Variants in PAK5 observed in about 807,000 individuals in gnomAD.
PAK5 encodes the protein p21 (RAC1) activated kinase 5.
A neutral mutation model predicts 65.9 loss-of-function variants in PAK5; 16 were observed. That is an observed-to-expected ratio of 0.24 (90% CI 0.16 to 0.37). The LOEUF is 0.37. Among genes scored for constraint, PAK5 ranks in the 10% least tolerant of loss-of-function variants. PAK5 has a pLI of 1.00. For missense variants in PAK5, 785 were observed against 903.9 expected, an observed-to-expected ratio of 0.87 and a Z score of 1.69; for synonymous variants, 371 against 354.9, an observed-to-expected ratio of 1.05 and a Z score of -0.51.
intron 1 of PAK5, among the ~76,000 whole-genome samples, chr20:9,747,937 C>T (rs2048528011): frequency 6.6e-6 from 1 of 152,054 alleles, no homozygotes; most frequent in South Asian, 2.1e-4. Flanking sequence ...CTAGAAAACC[C>T]CATCGTCTCA....
At chr20:9,802,908 G>GTATATATATATATATATATATA (rs2049185951) in intron 1 of PAK5, among the ~76,000 whole-genome samples, 1 of 1,936 alleles carries the variant, frequency 5.2e-4, no homozygotes, top group Non-Finnish European at 8.9e-4. Context: ...GTATATGTAT[G>GTATATATATATATATATATATA]TGTATATATA....
chr20:9,805,790 A>G (rs1213039922), intron 1 of PAK5, among the ~76,000 whole-genome samples: 1 of 152,194 alleles, frequency 6.6e-6, no homozygotes, highest in African/African-American at 2.4e-5. Context: ...GGGATTATAG[A>G]AAATGTTCTA....
chr20:9,683,069 G>A (rs551193201), intron 2 of PAK5, among the ~76,000 whole-genome samples: 2 of 152,300 alleles, frequency 1.3e-5, no homozygotes, highest in African/African-American at 2.4e-5. Context: ...TTTAGGGACC[G>A]AAGTGAATCT....
chr20:9,716,089 A>G (rs1484050405), intron 1 of PAK5, among the ~76,000 whole-genome samples: 2 of 67,670 alleles, frequency 3.0e-5, no homozygotes, highest in Non-Finnish European at 6.4e-5. Context: ...AAGAACATGC[A>G]GTAGCTGAAA....
intron 2 of PAK5, among the ~76,000 whole-genome samples, chr20:9,676,148 C>T (rs1471018226): frequency 6.6e-6 from 1 of 151,840 alleles, no homozygotes; most frequent in Non-Finnish European, 1.5e-5. Context: ...AGGAAAACTC[C>T]CCCTTACAAT....
chr20:9,703,184 C>T (rs2047961653), intron 2 of PAK5, among the ~76,000 whole-genome samples: 1 of 152,152 alleles, frequency 6.6e-6, no homozygotes. Context: ...TTTGAAGAAC[C>T]ACCCCAGAAA....
chr20:9,595,884 T>C (rs765489240), intron 3 of PAK5, among the ~76,000 whole-genome samples: 1 of 151,326 alleles, frequency 6.6e-6, no homozygotes, highest in African/African-American at 2.5e-5. Flanking sequence ...CTGTTTCAAA[T>C]GGACTCCCCA....
intron 3 of PAK5, among the ~76,000 whole-genome samples, chr20:9,615,033 T>G (rs750576773): frequency 2.6e-5 from 4 of 152,126 alleles, no homozygotes; most frequent in Admixed American, 2.6e-4. Flanking sequence ...TGAAAAGATA[T>G]GAAGGAAACA....
intron 2 of PAK5, among the ~76,000 whole-genome samples, chr20:9,664,721 A>G (rs1038643347): frequency 5.3e-5 from 8 of 152,236 alleles, no homozygotes; most frequent in African/African-American, 1.9e-4. Flanking sequence ...CTTGGATGAT[A>G]GTTATTGTTT....
intron 3 of PAK5, among the ~76,000 whole-genome samples, chr20:9,631,711 T>C (rs921942700): frequency 6.6e-6 from 1 of 152,196 alleles, no homozygotes; most frequent in Non-Finnish European, 1.5e-5. Flanking sequence ...TGTCATGCAG[T>C]AATAGAAAGC....
intron 4 of PAK5, among the ~76,000 whole-genome samples, chr20:9,570,935 C>A (rs997637030): frequency 1.3e-5 from 2 of 152,194 alleles, no homozygotes; most frequent in South Asian, 2.1e-4. Context: ...AAGAAGCCTG[C>A]CTGCACCAAG....
At chr20:9,722,471 G>A (rs935607125) in intron 1 of PAK5, among the ~76,000 whole-genome samples, 1 of 151,848 alleles carries the variant, frequency 6.6e-6, no homozygotes, top group Non-Finnish European at 1.5e-5. Context: ...AATTAGCTGG[G>A]CATGGTGGCG....
At chr20:9,598,918 G>A (rs1370851406) in intron 3 of PAK5, among the ~76,000 whole-genome samples, 1 of 152,042 alleles carries the variant, frequency 6.6e-6, no homozygotes, top group Non-Finnish European at 1.5e-5. Context: ...TATAAAATTT[G>A]GTGGTATTCA....
intron 3 of PAK5, among the ~76,000 whole-genome samples, chr20:9,611,348 C>T (rs1001040269): frequency 1.3e-5 from 2 of 152,214 alleles, no homozygotes; most frequent in African/African-American, 4.8e-5. Flanking sequence ...CCTGCCCCCA[C>T]CCAAACTGCC....
At chr20:9,795,378 A>G (rs1302772771) in intron 1 of PAK5, among the ~76,000 whole-genome samples, 1 of 152,128 alleles carries the variant, frequency 6.6e-6, no homozygotes, top group Non-Finnish European at 1.5e-5. Flanking sequence ...CCATGTAAAT[A>G]TTTAAATGTC....
intron 1 of PAK5, among the ~76,000 whole-genome samples, chr20:9,724,831 G>C (rs911678125): frequency 1.3e-5 from 2 of 151,986 alleles, no homozygotes; most frequent in African/African-American, 4.8e-5. Flanking sequence ...CCTAGTATTT[G>C]CTAGCACAGT....
At chr20:9,813,569 A>T (rs1003463965) in intron 1 of PAK5, among the ~76,000 whole-genome samples, 6 of 152,172 alleles carry the variant, frequency 3.9e-5, no homozygotes, top group Admixed American at 3.3e-4. Context: ...AGTGTTTGTA[A>T]TAGCCCTAAA....
chr20:9,599,544 T>C (rs749786422), intron 3 of PAK5, among the ~76,000 whole-genome samples: 38 of 152,208 alleles, frequency 2.5e-4, no homozygotes, highest in Non-Finnish European at 3.8e-4. Flanking sequence ...ATTTTAATCA[T>C]AGCCATCCTA....
At chr20:9,730,013 A>AAGAG (rs200394446) in intron 1 of PAK5, among the ~76,000 whole-genome samples, 2 of 131,364 alleles carry the variant, frequency 1.5e-5, no homozygotes, top group Non-Finnish European at 3.1e-5. Context: ...AAAAAAAAAA[A>AAGAG]AGAGAGAGAG....
Sources: allele counts gnomAD v4.1 joint callset (sites outside exome capture counted in the v4.1 genomes callset), GRCh38; gene constraint gnomAD v4.1.1; transcripts MANE v1.5; gene names NCBI Gene and HGNC (gene_info 2026-07-23, HGNC 2026-07-21).